Variants in CACNA1D observed in about 807,000 individuals in gnomAD.
The protein encoded by CACNA1D is voltage-dependent L-type calcium channel subunit alpha-1D.
Under a neutral mutation model 257.1 loss-of-function variants are expected in CACNA1D, and 55 were observed. That is an observed-to-expected ratio of 0.21 (90% CI 0.17 to 0.27). The LOEUF is 0.27. CACNA1D is among the 10% of genes least tolerant of loss of function. The pLI, the probability that CACNA1D is intolerant of heterozygous loss-of-function variation, is 1.00. For missense variants in CACNA1D, 1,876 were observed against 2,784.0 expected, an observed-to-expected ratio of 0.67 and a Z score of 7.34; for synonymous variants, 980 against 1,014.9, an observed-to-expected ratio of 0.97 and a Z score of 0.65.
At chr3:53,727,089 G>A in intron 15 of CACNA1D, 90 bp downstream of exon 15, 1 of 1,475,378 alleles carries the variant, frequency 6.8e-7, no homozygotes, top group African/African-American at 1.4e-5. Flanking sequence ...GATGGTGGTG[G>A]TAGTAGTTGT....
intron 3 of CACNA1D, among the ~76,000 whole-genome samples, chr3:53,606,017 G>C (rs1443691492): frequency 6.6e-6 from 1 of 152,200 alleles, no homozygotes; most frequent in African/African-American, 2.4e-5. Context: ...GTTACCCCGT[G>C]ACTTAAATGG....
In CACNA1D at chr3:53,772,883, G is replaced by C. The variant is rs1351391926; in HGVS notation, c.4095G>C (p.Ala1365=). The C allele has an allele frequency of 4.3e-6, 7 of 1,613,818 alleles. No individual in the cohort carries two copies. In the Admixed American group the frequency reaches 1.0e-4, roughly 23 times the overall value. The change falls in exon 33 of 48, where the codon GCG becomes GCC. Residue 1365 remains alanine, a synonymous_variant. Coordinates refer to ENST00000350061, the MANE Select transcript of CACNA1D (RefSeq NM_001128840.3). ...TAGCCATGCTGTTCTTCATCTATGC[G>C]GTCATTGGCATGCAGGTAAGCTCCA... The part of the protein sequence containing the change: ...LLIAMLFFIY[A]VIGMQMFGKV...
intron 3 of CACNA1D, among the ~76,000 whole-genome samples, chr3:53,585,135 A>G (rs1304344599): frequency 2.0e-5 from 3 of 150,712 alleles, no homozygotes; most frequent in Non-Finnish European, 4.4e-5. Flanking sequence ...CATCACACCT[A>G]GGCTTCTGTT....
Position 53,786,974 on chromosome 3 carries a change from T to C in CACNA1D, c.4923+22T>C, listed in dbSNP as rs757060287. ...ACAGGTGAATTGTTGTCTCATTTTG[T>C]TTTCTCTTTTGACTAACGATTTTAC... On this transcript the variant is annotated intron_variant, in intron 40 of 47. Transcript: ENST00000350061. The C allele has an allele frequency of 5.0e-6, 8 of 1,613,624 alleles. No homozygotes were observed. The South Asian group carries it at 8.8e-5, about 18-fold the overall frequency.
At position 53,781,546 on chromosome 3, in the gene CACNA1D, C is replaced by T. The variant is rs753311329; in HGVS notation, c.4691-20C>T. On this transcript the variant is annotated intron_variant, in intron 38 of 47. Coordinates refer to ENST00000350061, the MANE Select transcript of CACNA1D (RefSeq NM_001128840.3). The stretch of plus-strand genomic sequence containing the variant: ...AACAGAAATGAGGCTTGCTTTTCCC[C>T]TTTTGTTTTTTGAATCCAGGGAACC... 3.2e-6 allele frequency: 5 copies of T among 1,548,502 alleles called. No individual in the cohort carries two copies. Among genetic ancestry groups the T allele is most frequent in the African/African-American group, 1.4e-5 (1 of 73,542 alleles).
chr3:53,598,906 G>A (rs935968789), intron 3 of CACNA1D, among the ~76,000 whole-genome samples: 2 of 152,132 alleles, frequency 1.3e-5, no homozygotes, highest in Non-Finnish European at 2.9e-5. Context: ...GGACAGCTGA[G>A]AAACTTCATG....
chr3:53,640,151 T>C (rs2093934480), intron 3 of CACNA1D, among the ~76,000 whole-genome samples: 2 of 152,192 alleles, frequency 1.3e-5, no homozygotes, highest in South Asian at 4.1e-4. Context: ...CGTGAGCCAC[T>C]GTGCCCAGCC....
rs112856176 is a variant in CACNA1D at position 53,591,747 on chromosome 3, G to C, written c.484-59032G>C. Among the ~76,000 whole-genome samples the C allele has an allele frequency of 9.8e-3, 1,493 of 152,306 alleles. 25 individuals carry two copies. Among genetic ancestry groups the C allele is most frequent in the African/African-American group, 0.034 (1,427 of 41,550 alleles). On this transcript the variant is annotated intron_variant, in intron 3 of 47. Coordinates refer to ENST00000350061, the MANE Select transcript of CACNA1D (RefSeq NM_001128840.3). The stretch of plus-strand genomic sequence containing the variant: ...TCCTCTCCCAGGAACTACACAAAGC[G>C]TAGAAGAACTCAGTATTTCCTAGGC...
At position 53,808,735 on chromosome 3, in the gene CACNA1D, C is replaced by T. The variant is rs1394931346; in HGVS notation, c.5836C>T (p.Arg1946Cys). The T allele has an allele frequency of 1.4e-5, 23 of 1,608,488 alleles. No individual in the cohort carries two copies. Among genetic ancestry groups the T allele is most frequent in the Non-Finnish European group, 1.9e-5 (23 of 1,180,004 alleles). ...EVPSSPIFPH[R>C]TALPLHLMQQ... is the part of the protein sequence containing the mutation. The stretch of plus-strand genomic sequence containing the variant: ...CCCGTCGTCTCCCATCTTCCCCCAT[C>T]GCACGGCCCTGCCTCTGCATCTAAT... Residue 1946 changes from arginine to cysteine, a missense_variant, in exon 46 of 48, where the codon CGC (arginine) becomes TGC (cysteine). Coordinates refer to ENST00000350061, the MANE Select transcript of CACNA1D (RefSeq NM_001128840.3).
At chr3:53,669,494 C>T (rs1375433552) in intron 7 of CACNA1D, among the ~76,000 whole-genome samples, 16 of 152,236 alleles carry the variant, frequency 1.1e-4, no homozygotes, top group Non-Finnish European at 7.3e-5. Context: ...TTTCTGAATC[C>T]TTTAGGCACT....
intron 3 of CACNA1D, among the ~76,000 whole-genome samples, chr3:53,510,782 C>T (rs561973282): frequency 1.3e-5 from 2 of 152,248 alleles, no homozygotes; most frequent in South Asian, 4.2e-4. Flanking sequence ...TGGCCTCTCT[C>T]TGGGATGTTA....
At chr3:53,521,467 C>T (rs780023179) in intron 3 of CACNA1D, among the ~76,000 whole-genome samples, 34 of 152,302 alleles carry the variant, frequency 2.2e-4, no homozygotes, top group Admixed American at 3.3e-4. Context: ...ACTCCCTTGT[C>T]GGAGTAACGG....
intron 45 of CACNA1D, among the ~76,000 whole-genome samples, chr3:53,806,335 C>T (rs2095566191): frequency 6.6e-6 from 1 of 152,040 alleles, no homozygotes; most frequent in Admixed American, 6.6e-5. Flanking sequence ...ACTTGTTGGT[C>T]CCCTTCACTC....
At chr3:53,593,282 A>T (rs2093330667) in intron 3 of CACNA1D, among the ~76,000 whole-genome samples, 1 of 152,200 alleles carries the variant, frequency 6.6e-6, no homozygotes, top group East Asian at 1.9e-4. Flanking sequence ...TGATAAAAGG[A>T]ATGAGGGAGG....
At chr3:53,557,021 T>C (rs1319508871) in intron 3 of CACNA1D, among the ~76,000 whole-genome samples, 2 of 152,118 alleles carry the variant, frequency 1.3e-5, no homozygotes, top group Non-Finnish European at 1.5e-5. Flanking sequence ...CAGCTGTCTT[T>C]CTGTTCTCTA....
chr3:53,548,034 A>G (rs2092449865), intron 3 of CACNA1D, among the ~76,000 whole-genome samples: 1 of 152,164 alleles, frequency 6.6e-6, no homozygotes, highest in African/African-American at 2.4e-5. Flanking sequence ...GGGTAGGTGG[A>G]AGGCAGGTCT....
chr3:53,523,672 G>A (rs930102938), intron 3 of CACNA1D, among the ~76,000 whole-genome samples: 2 of 152,196 alleles, frequency 1.3e-5, no homozygotes, highest in African/African-American at 4.8e-5. Flanking sequence ...TTTAACCCAC[G>A]TTAGGCACTC....
chr3:53,521,340 G>T (rs560834453), intron 3 of CACNA1D, among the ~76,000 whole-genome samples: 1 of 152,204 alleles, frequency 6.6e-6, no homozygotes, highest in South Asian at 2.1e-4. Flanking sequence ...CTCACTGCTG[G>T]CCTCTTCAAT....
intron 3 of CACNA1D, among the ~76,000 whole-genome samples, chr3:53,581,522 C>T (rs2093132655): frequency 6.6e-6 from 1 of 152,152 alleles, no homozygotes; most frequent in African/African-American, 2.4e-5. Context: ...TAACCCATTC[C>T]AGGAAAAGAA....
Sources: allele counts gnomAD v4.1 joint callset (sites outside exome capture counted in the v4.1 genomes callset), GRCh38; gene constraint gnomAD v4.1.1; transcripts MANE v1.5; gene names NCBI Gene and HGNC (gene_info 2026-07-23, HGNC 2026-07-21).